The following PTPN1 variants were observed in gnomAD, a reference collection of about 807,000 sequenced individuals.
PTPN1 encodes the protein tyrosine-protein phosphatase non-receptor type 1.
PTPN1 carries 12 observed loss-of-function variants against 59.9 expected under a neutral mutation model. That is an observed-to-expected ratio of 0.20 (90% confidence interval 0.13 to 0.32). The LOEUF (loss-of-function observed/expected upper bound fraction) is 0.32, where lower values mean the gene tolerates loss of function less well. PTPN1 is among the 10% of genes least tolerant of loss of function. The pLI is 1.00. For synonymous variants in PTPN1, 178 were observed against 203.6 expected (o/e 0.87, Z 1.07); for missense variants, 356 against 549.2 (o/e 0.65, Z 3.52).
intron 1 of PTPN1, among the ~76,000 whole-genome samples, chr20:50,535,300 G>A (rs1214812285): frequency 6.6e-6 from 1 of 152,118 alleles, no homozygotes; most frequent in African/African-American, 2.4e-5. Context: ...CTCCTGGCCA[G>A]GTCCCCGTAC....
chr20:50,524,114 A>G (rs1053490061), intron 1 of PTPN1, among the ~76,000 whole-genome samples: 3 of 152,096 alleles, frequency 2.0e-5, no homozygotes, highest in African/African-American at 7.2e-5. Context: ...CGACTGCCAT[A>G]TGGCCTCTAA....
chr20:50,545,883 C>T (rs1418099708), intron 1 of PTPN1, among the ~76,000 whole-genome samples: 2 of 145,784 alleles, frequency 1.4e-5, no homozygotes, highest in Non-Finnish European at 3.0e-5. Context: ...AAACAATGAG[C>T]CAGGCATGGT....
intron 1 of PTPN1, among the ~76,000 whole-genome samples, chr20:50,539,595 C>T (rs917242263): frequency 2.0e-5 from 3 of 147,892 alleles, no homozygotes; most frequent in African/African-American, 7.4e-5. Context: ...TTATAAGTGA[C>T]TTAGGGTTTT....
At chr20:50,536,381 A>G (rs189266349) in intron 1 of PTPN1, among the ~76,000 whole-genome samples, 71 of 152,348 alleles carry the variant, frequency 4.7e-4, no homozygotes, top group African/African-American at 1.4e-3. Context: ...TTTTATAATT[A>G]TAAGAGGAAG....
intron 1 of PTPN1, among the ~76,000 whole-genome samples, chr20:50,532,581 A>G (rs576723051): frequency 7.0e-4 from 106 of 152,338 alleles, no homozygotes; most frequent in African/African-American, 2.4e-3. Context: ...ATAATCTGCA[A>G]TATACCTGCA....
rs965085415 is a variant in PTPN1, at chr20:50,584,462, C to A, written c.*1747C>A. On this transcript the variant is annotated 3_prime_UTR_variant, in exon 10 of 10. Transcript: ENST00000371621. ...GTTACACATTATGTTAGAGAGGTAG[C>A]GAGCTGCTCTGCTATATGCCTTAAG... The A allele has an allele frequency of 5.9e-5, 9 of 152,540 alleles. No individual in the cohort carries two copies. Among genetic ancestry groups the A allele is most frequent in the African/African-American group, 2.2e-4 (9 of 41,408 alleles). 9.4% of individuals were successfully genotyped at this position (152,540 alleles called of 1,614,324 possible). A position where few individuals can be genotyped will look rare whatever the true frequency, so the allele number is the denominator to read the frequency against.
At chr20:50,580,190 T>G (rs2082859637) in intron 8 of PTPN1, among the ~76,000 whole-genome samples, 1 of 152,078 alleles carries the variant, frequency 6.6e-6, no homozygotes, top group Non-Finnish European at 1.5e-5. Context: ...AATGAGGGGC[T>G]CGGAGCCACC....
chr20:50,582,715 G>A lies in PTPN1; in HGVS notation c.1308G>A (p.Ter436=). 6.2e-7 allele frequency: 1 copy of A among 1,613,776 alleles called. No homozygotes were observed. The highest frequency in any genetic ancestry group is 8.5e-7 in the Non-Finnish European group (1 of 1,179,916). The part of the protein sequence containing the change: ...CYRFLFNSNT[*] Reference sequence around the variant, plus strand: ...AGTTCCTGTTCAACAGCAACACATAGCCTGACCCTCCTCCACTCCACCTCC... The same window carrying A: ...AGTTCCTGTTCAACAGCAACACATAACCTGACCCTCCTCCACTCCACCTCC... Residue 436 remains the stop codon, a stop_retained_variant, in exon 10 of 10, where the codon TAG becomes TAA. Transcript: ENST00000371621. The surrounding 1 kb of genome is among the most constrained non-coding windows in gnomAD (Gnocchi z 4.2).
chr20:50,542,071 T>A (rs1247218544), intron 1 of PTPN1, among the ~76,000 whole-genome samples: 2 of 152,230 alleles, frequency 1.3e-5, no homozygotes, highest in East Asian at 1.9e-4. Flanking sequence ...CATTACTACC[T>A]GACCCATCAA....
rs1298624612 is a variant in PTPN1, at chr20:50,574,500, A to G, written c.355-17A>G. 6.3e-6 allele frequency: 10 copies of G among 1,579,510 alleles called. No individual in the cohort carries two copies. The highest frequency in any genetic ancestry group is 8.6e-6 in the Non-Finnish European group (10 of 1,168,556). ...GCCATATTGCTCACAATAATTCACT[A>G]TTATTTGTTTCCCCAGTTAAAATGC... On this transcript the variant is annotated splice_polypyrimidine_tract_variant and intron_variant, in intron 4 of 9. Coordinates refer to ENST00000371621, the MANE Select transcript of PTPN1 (RefSeq NM_002827.4).
At chr20:50,554,826 G>A (rs1376148531) in intron 1 of PTPN1, among the ~76,000 whole-genome samples, 1 of 152,078 alleles carries the variant, frequency 6.6e-6, no homozygotes, top group African/African-American at 2.4e-5. Context: ...TGCCAATGGT[G>A]GAGATAAGAT....
At chr20:50,548,363 A>G (rs2082685322) in intron 1 of PTPN1, among the ~76,000 whole-genome samples, 1 of 151,424 alleles carries the variant, frequency 6.6e-6, no homozygotes. Flanking sequence ...TATTCATAAC[A>G]TCTTTTTTAT....
chr20:50,574,365 T>G, intron 4 of PTPN1, 152 bp from the exon 5 acceptor site: 174 of 685,510 alleles, frequency 2.5e-4, no homozygotes, highest in East Asian at 4.8e-4. Flanking sequence ...CATCTCCCCA[T>G]GAGGCAGGCA....
chr20:50,573,600 A>C (rs2082821575), intron 4 of PTPN1: 1 of 152,208 alleles, frequency 6.6e-6, no homozygotes, highest in Admixed American at 6.5e-5. Context: ...CATTTGCCAA[A>C]GAGCTGTTGA....
At chr20:50,535,100 T>C (rs1486466384) in intron 1 of PTPN1, among the ~76,000 whole-genome samples, 1 of 152,216 alleles carries the variant, frequency 6.6e-6, no homozygotes, top group African/African-American at 2.4e-5. Flanking sequence ...TTCAGGCCCT[T>C]CTCATCTGTG....
intron 1 of PTPN1, among the ~76,000 whole-genome samples, chr20:50,535,216 A>G (rs918881450): frequency 3.3e-5 from 5 of 152,134 alleles, no homozygotes; most frequent in Non-Finnish European, 5.9e-5. Context: ...TCCATTCCCC[A>G]TTGATGAGGG....
intron 1 of PTPN1, among the ~76,000 whole-genome samples, chr20:50,546,032 G>C (rs967738510): frequency 6.6e-6 from 1 of 151,964 alleles, no homozygotes; most frequent in African/African-American, 2.4e-5. Flanking sequence ...AGCGAGACAG[G>C]TCCTGTCTCG....
At chr20:50,515,454 A>AT (rs954931663) in intron 1 of PTPN1, among the ~76,000 whole-genome samples, 43 of 150,292 alleles carry the variant, frequency 2.9e-4, no homozygotes, top group Non-Finnish European at 5.2e-4. Flanking sequence ...CTTTACAAAC[A>AT]TTTTTTTTTT....
intron 1 of PTPN1, among the ~76,000 whole-genome samples, chr20:50,519,671 A>G (rs1476641081): frequency 6.6e-6 from 1 of 152,166 alleles, no homozygotes; most frequent in Non-Finnish European, 1.5e-5. Flanking sequence ...TTTACAGGGC[A>G]AAACTGTGCT....
Sources: allele counts gnomAD v4.1 joint callset (sites outside exome capture counted in the v4.1 genomes callset), GRCh38; gene constraint gnomAD v4.1.1; non-coding constraint Gnocchi (gnomAD v3.1); transcripts MANE v1.5; gene names NCBI Gene and HGNC (gene_info 2026-07-23, HGNC 2026-07-21).